PTPRT: variants seen among roughly 807,000 people sequenced by gnomAD.
PTPRT encodes protein tyrosine phosphatase receptor type T, also known as receptor-type tyrosine-protein phosphatase T.
A neutral mutation model predicts 176.8 loss-of-function variants in PTPRT; 56 were observed. The observed-to-expected ratio is 0.32, with a 90% CI of 0.26 to 0.40. The LOEUF is 0.40. Ranked by LOEUF, PTPRT falls within the 10% of genes least tolerant of loss-of-function variation. PTPRT has a pLI of 1.00. For missense variants in PTPRT, 1,540 were observed against 1,908.2 expected, an observed-to-expected ratio of 0.81 and a Z score of 3.60; for synonymous variants, 783 against 739.0, an observed-to-expected ratio of 1.06 and a Z score of -0.96.
chr20:42,461,181 G>A (rs1400771037), intron 8 of PTPRT, among the ~76,000 whole-genome samples: 1 of 152,122 alleles, frequency 6.6e-6, no homozygotes, highest in Non-Finnish European at 1.5e-5. Flanking sequence ...TACAAATTTA[G>A]CCGGGTGTGG....
intron 9 of PTPRT, among the ~76,000 whole-genome samples, chr20:42,368,782 T>G (rs1031297532): frequency 1.3e-5 from 2 of 152,182 alleles, no homozygotes; most frequent in Non-Finnish European, 2.9e-5. Flanking sequence ...AATTGAAATA[T>G]TCTTTGAAGT....
At position 43,122,682 on chromosome 20, in the gene PTPRT, T is replaced by C. The variant is rs145976841; in HGVS notation, c.88+66964A>G. 6.5e-3 allele frequency among the ~76,000 whole-genome samples: 987 copies of C among 152,318 alleles called. 15 individuals are homozygous for C. The highest frequency in any genetic ancestry group is 0.022 in the African/African-American group (911 of 41,574). ...CTCTCTCTTGCTCCCATTCTCACCA[T>C]GTGATACACTGGCTCCCCATTCACC... On this transcript the variant is annotated intron_variant, in intron 1 of 30. Coordinates refer to ENST00000373187, the MANE Select transcript of PTPRT (RefSeq NM_007050.6).
At chr20:42,150,703 G>C (rs1426870856) in intron 17 of PTPRT, among the ~76,000 whole-genome samples, 2 of 152,190 alleles carry the variant, frequency 1.3e-5, no homozygotes, top group Non-Finnish European at 2.9e-5. Flanking sequence ...ACCACTTCGA[G>C]TGTCAATAAA....
At chr20:43,158,999 CTT>C (rs1320251620) in intron 1 of PTPRT, among the ~76,000 whole-genome samples, 1 of 152,130 alleles carries the variant, frequency 6.6e-6, no homozygotes, top group Non-Finnish European at 1.5e-5. Flanking sequence ...TAGCATTTGA[CTT>C]AAGATGAGGA....
At chr20:42,906,090 A>G (rs2145924852) in intron 1 of PTPRT, among the ~76,000 whole-genome samples, 1 of 152,178 alleles carries the variant, frequency 6.6e-6, no homozygotes, top group East Asian at 1.9e-4. Context: ...AAAAACAAAA[A>G]CCCGAGACCA....
At chr20:43,104,664 C>T (rs1210713462) in intron 1 of PTPRT, among the ~76,000 whole-genome samples, 2 of 152,200 alleles carry the variant, frequency 1.3e-5, no homozygotes, top group East Asian at 1.9e-4. Context: ...AATGCTTTTG[C>T]TCTGCAGACT....
At chr20:42,666,818 G>C (rs1422557022) in intron 7 of PTPRT, among the ~76,000 whole-genome samples, 1 of 152,062 alleles carries the variant, frequency 6.6e-6, no homozygotes. Flanking sequence ...TTTTATAATG[G>C]TTATTACTGG....
At chr20:42,885,632 C>T (rs2145869628) in intron 2 of PTPRT, among the ~76,000 whole-genome samples, 175 bp downstream of exon 2, 1 of 152,258 alleles carries the variant, frequency 6.6e-6, no homozygotes, top group African/African-American at 2.4e-5. Flanking sequence ...GTATCAAATC[C>T]TGAAGAATTC....
chr20:42,141,967 T>G lies in PTPRT; in HGVS notation c.2718A>C (p.Thr906=). ...LPEGQTASWD[T]AKEDENRNKN... ...TATTGCGGTTTTCATCCTCCTTGGC[T>G]GTGTCCCACGAAGCTGTCTGCCCCT... is the stretch of plus-strand genomic sequence containing the variant. The change falls in exon 18 of 31, where the codon ACA becomes ACC. Residue 906 remains threonine, a synonymous_variant. Coordinates refer to ENST00000373187, the MANE Select transcript of PTPRT (RefSeq NM_007050.6). 2 of 1,614,184 alleles carry G rather than the reference T, an allele frequency of 1.2e-6. No individual in the cohort carries two copies. The highest frequency in any genetic ancestry group is 1.7e-6 in the Non-Finnish European group (2 of 1,179,996).
At chr20:42,846,788 G>C (rs2078380564) in intron 2 of PTPRT, among the ~76,000 whole-genome samples, 1 of 152,090 alleles carries the variant, frequency 6.6e-6, no homozygotes, top group Non-Finnish European at 1.5e-5. Flanking sequence ...CTGGGCCTGG[G>C]GACAGAGGTT....
At chr20:42,953,643 C>A (rs1001898561) in intron 1 of PTPRT, among the ~76,000 whole-genome samples, 1 of 152,154 alleles carries the variant, frequency 6.6e-6, no homozygotes, top group Non-Finnish European at 1.5e-5. Context: ...TCAGAAGAGT[C>A]AGCCATCTAA....
intron 2 of PTPRT, among the ~76,000 whole-genome samples, chr20:42,834,620 C>A (rs1427315822): frequency 6.6e-6 from 1 of 152,114 alleles, no homozygotes; most frequent in East Asian, 1.9e-4. Context: ...AAATGTTATT[C>A]AGGTTGTGGG....
At chr20:42,543,886 A>G (rs1196786146) in intron 7 of PTPRT, among the ~76,000 whole-genome samples, 1 of 152,142 alleles carries the variant, frequency 6.6e-6, no homozygotes, top group African/African-American at 2.4e-5. Context: ...AATATTTAGA[A>G]ATAAATCTTT....
At chr20:42,451,945 G>A (rs2070837538) in intron 8 of PTPRT, among the ~76,000 whole-genome samples, 1 of 152,148 alleles carries the variant, frequency 6.6e-6, no homozygotes, top group Non-Finnish European at 1.5e-5. Context: ...TTAAAGACAA[G>A]AGAGGTTATG....
chr20:42,374,047 C>T (rs1568823105), intron 9 of PTPRT, among the ~76,000 whole-genome samples: 2 of 152,152 alleles, frequency 1.3e-5, no homozygotes, highest in Non-Finnish European at 2.9e-5. Flanking sequence ...GTCTAGGAGG[C>T]AGAACAGGTG....
chr20:42,297,753 T>A (rs1441135166), intron 12 of PTPRT, among the ~76,000 whole-genome samples: 1 of 152,096 alleles, frequency 6.6e-6, no homozygotes, highest in East Asian at 1.9e-4. Context: ...AAAAGCAGCA[T>A]CTCAAATTAT....
intron 1 of PTPRT, among the ~76,000 whole-genome samples, chr20:43,116,988 G>T (rs1392043748): frequency 6.6e-6 from 1 of 152,136 alleles, no homozygotes; most frequent in Non-Finnish European, 1.5e-5. Flanking sequence ...GCTTAGCTGG[G>T]CTTAACTTGG....
At chr20:42,924,901 A>T (rs1382916099) in intron 1 of PTPRT, among the ~76,000 whole-genome samples, 1 of 152,152 alleles carries the variant, frequency 6.6e-6, no homozygotes, top group Non-Finnish European at 1.5e-5. Flanking sequence ...TGCTCCAGGG[A>T]CTCTGATTCA....
intron 16 of PTPRT, among the ~76,000 whole-genome samples, chr20:42,176,473 A>G (rs1237264522): frequency 1.3e-5 from 2 of 152,184 alleles, no homozygotes; most frequent in African/African-American, 4.8e-5. Context: ...GGGACTGGAC[A>G]TGATTTGGAG....
Sources: gnomAD v4.1 joint callset for allele counts (sites outside exome capture counted in the v4.1 genomes callset) on GRCh38, gnomAD v4.1.1 for gene constraint, MANE v1.5 for transcripts, NCBI Gene and HGNC (gene_info 2026-07-23, HGNC 2026-07-21) for gene names.